Variants in KAZN observed in about 807,000 individuals in gnomAD.
KAZN encodes kazrin.
Under a neutral mutation model 87.4 loss-of-function variants are expected in KAZN, and 40 were observed. The observed-to-expected ratio is 0.46, with a 90% CI of 0.36 to 0.60. The LOEUF is 0.60. KAZN is among the 20% of genes least tolerant of loss of function. The pLI, the probability that KAZN is intolerant of heterozygous loss-of-function variation, is 0.00. For synonymous variants in KAZN, 466 were observed against 458.3 expected (o/e 1.02, Z -0.22); for missense variants, 898 against 1,073.9 (o/e 0.84, Z 2.29).
intron 2 of KAZN, among the ~76,000 whole-genome samples, chr1:14,493,094 G>A (rs574715712): frequency 6.6e-6 from 1 of 152,144 alleles, no homozygotes; most frequent in Admixed American, 6.5e-5. Flanking sequence ...AGCCTTTCTG[G>A]ACCACCTCTC....
intron 1 of KAZN, among the ~76,000 whole-genome samples, chr1:14,677,866 G>A (rs935685108): frequency 6.6e-5 from 10 of 152,296 alleles, no homozygotes; most frequent in Admixed American, 5.2e-4. Flanking sequence ...CAGCCCCTCA[G>A]GGGAGGTCCC....
At chr1:14,784,969 C>CTTTT (rs143932268) in intron 1 of KAZN, among the ~76,000 whole-genome samples, 3 of 136,090 alleles carry the variant, frequency 2.2e-5, no homozygotes, top group Non-Finnish European at 3.2e-5. Flanking sequence ...AGACTGCTTA[C>CTTTT]TTTTTTTTTT....
intron 2 of KAZN, among the ~76,000 whole-genome samples, chr1:14,248,650 C>T (rs1649733191): frequency 6.6e-6 from 1 of 152,228 alleles, no homozygotes; most frequent in Non-Finnish European, 1.5e-5. Flanking sequence ...TGCAAAGGCA[C>T]AGCAGTGTGA....
chr1:15,110,093 G>GTGTGTATGTGCGTATTTGTGTGTGTATT (rs1557806200), intron 13 of KAZN, among the ~76,000 whole-genome samples: 1 of 146,386 alleles, frequency 6.8e-6, no homozygotes, highest in African/African-American at 2.5e-5. Context: ...GTATATGTAT[G>GTGTGTATGTGCGTATTTGTGTGTGTATT]TGTGTATGTG....
chr1:14,560,532 C>T (rs1369245661), intron 2 of KAZN, among the ~76,000 whole-genome samples: 1 of 152,100 alleles, frequency 6.6e-6, no homozygotes, highest in Admixed American at 6.5e-5. Flanking sequence ...GAGCCGAGAT[C>T]GCGCCACTGC....
Position 14,095,619 on chromosome 1 carries a change from T to A in KAZN, c.92-84816T>A, listed in dbSNP as rs376533335. 7.2e-5 allele frequency among the ~76,000 whole-genome samples: 11 copies of A among 152,138 alleles called. No individual in the cohort carries two copies. The East Asian group carries it at 1.5e-3, about 21-fold the overall frequency. On this transcript the variant is annotated intron_variant, in intron 1 of 16. Transcript: ENST00000636203. ...TCATCTGGAGGCTTCTTCACATACA[T>A]GTCTGTTCCCTGAACTAGGAAAACT...
At chr1:14,511,994 G>A (rs1472499031) in intron 2 of KAZN, among the ~76,000 whole-genome samples, 1 of 152,104 alleles carries the variant, frequency 6.6e-6, no homozygotes, top group Non-Finnish European at 1.5e-5. Flanking sequence ...TTCAGGGGGT[G>A]GAAAGGGAGG....
intron 2 of KAZN, among the ~76,000 whole-genome samples, chr1:14,257,674 C>A (rs1395064894): frequency 6.7e-6 from 1 of 149,388 alleles, no homozygotes; most frequent in African/African-American, 2.5e-5. Flanking sequence ...GATCCAGTTT[C>A]AGCTTTCTAC....
In KAZN at chr1:13,924,871, AC is replaced by A. The variant is rs1191432609; in HGVS notation, c.91+31117del. 2.0e-5 allele frequency among the ~76,000 whole-genome samples: 3 copies of A among 152,324 alleles called. No homozygotes were observed. The East Asian group carries it at 5.8e-4, about 29-fold the overall frequency. ...GCTGTGTCATGGATGCGGGTCCTCA[AC>A]CTTGGCAACATAAACTTTCTAAATT... On this transcript the variant is annotated intron_variant, in intron 1 of 16. Coordinates refer to the KAZN transcript ENST00000636203.
chr1:14,098,870 G>T (rs1644186087), intron 1 of KAZN, among the ~76,000 whole-genome samples: 1 of 152,126 alleles, frequency 6.6e-6, no homozygotes, highest in Non-Finnish European at 1.5e-5. Flanking sequence ...CCTCCCTGGG[G>T]AACAGATGGG....
intron 1 of KAZN, among the ~76,000 whole-genome samples, chr1:14,779,364 G>A (rs1261858583): frequency 1.3e-5 from 2 of 152,206 alleles, no homozygotes; most frequent in Non-Finnish European, 2.9e-5. Flanking sequence ...GGGCTTTTCT[G>A]GAGCCTGCAG....
chr1:14,258,219 T>TTTC lies in KAZN; in HGVS notation c.249+77629_249+77630insCTT, dbSNP rs34208195. On this transcript the variant is annotated intron_variant, in intron 2 of 16. Coordinates refer to the KAZN transcript ENST00000636203. ...GATTCTTTCTTTCTTTCTTTCTTTC[T>TTTC]TTTTTTTTTTTTTTGAGACAGAGTC... is the stretch of plus-strand genomic sequence containing the variant. Among the ~76,000 whole-genome samples the TTTC allele has an allele frequency of 1.4e-4, 5 of 36,952 alleles. No individual in the cohort carries two copies. The East Asian group carries it at 5.5e-3, about 40-fold the overall frequency. The allele number at this position is 36,952 out of a possible 152,430, so 24.2% of individuals were successfully genotyped here.
chr1:14,477,425 C>CT (rs148927310), intron 2 of KAZN, among the ~76,000 whole-genome samples: 1 of 142,248 alleles, frequency 7.0e-6, no homozygotes, highest in Admixed American at 6.9e-5. Context: ...TAATTCATTC[C>CT]CTCTCTCTCT....
At chr1:14,061,055 A>G (rs2101516097) in intron 1 of KAZN, among the ~76,000 whole-genome samples, 1 of 152,324 alleles carries the variant, frequency 6.6e-6, no homozygotes, top group East Asian at 1.9e-4. Flanking sequence ...CTAGAGAAAA[A>G]TCTAGAAGCA....
At chr1:14,974,428 G>A (rs895736834) in intron 2 of KAZN, among the ~76,000 whole-genome samples, 2 of 152,178 alleles carry the variant, frequency 1.3e-5, no homozygotes, top group Non-Finnish European at 1.5e-5. Flanking sequence ...TGGAAATGAA[G>A]ATTTTAAAGT....
At chr1:14,262,166 C>CTG (rs1651078286) in intron 2 of KAZN, among the ~76,000 whole-genome samples, 1 of 152,126 alleles carries the variant, frequency 6.6e-6, no homozygotes, top group Admixed American at 6.5e-5. Flanking sequence ...GTAATCCCAG[C>CTG]ACTTTGGGAA....
chr1:14,252,200 C>G (rs948905219), intron 2 of KAZN, among the ~76,000 whole-genome samples: 4 of 152,136 alleles, frequency 2.6e-5, no homozygotes, highest in African/African-American at 9.7e-5. Flanking sequence ...TCCAGATGTT[C>G]CTAAGGAGTC....
intron 2 of KAZN, among the ~76,000 whole-genome samples, chr1:14,560,569 C>T (rs375661572): frequency 6.6e-6 from 1 of 152,304 alleles, no homozygotes; most frequent in East Asian, 1.9e-4. Context: ...CAGAGCGAGA[C>T]TCCATCTCAA....
chr1:14,677,650 A>G (rs1400794564), intron 1 of KAZN, among the ~76,000 whole-genome samples: 2 of 152,144 alleles, frequency 1.3e-5, no homozygotes, highest in Non-Finnish European at 2.9e-5. Context: ...CAGCTTTGCA[A>G]TCACATCATG....
Sources: allele counts gnomAD v4.1 joint callset (sites outside exome capture counted in the v4.1 genomes callset), GRCh38; gene constraint gnomAD v4.1.1; transcripts MANE v1.5; gene names NCBI Gene and HGNC (gene_info 2026-07-23, HGNC 2026-07-21).